The following DNAI4 variants were observed in gnomAD, a reference collection of about 807,000 sequenced individuals.
DNAI4 encodes WD repeat domain 78.
Under a neutral mutation model 105.8 loss-of-function variants are expected in DNAI4, and 85 were observed. The ratio of observed to expected loss-of-function variants is 0.80; its 90% confidence interval spans 0.67 to 0.96. The LOEUF (loss-of-function observed/expected upper bound fraction) is 0.96. Among genes scored for constraint, DNAI4 ranks in the 40% least tolerant of loss-of-function variants. DNAI4 has a pLI of 0.00. For synonymous variants in DNAI4, 352 were observed against 331.5 expected (o/e 1.06, Z -0.67); for missense variants, 1,014 against 1,005.6 (o/e 1.01, Z -0.11).
At chr1:66,904,786 A>G (rs1649112385) in intron 2 of DNAI4, 1 of 163,160 alleles carries the variant, frequency 6.1e-6, no homozygotes, top group Admixed American at 6.4e-5. Flanking sequence ...TTTTCTGTAT[A>G]TATATAATCA....
In DNAI4 at chr1:66,847,620, T is replaced by G; in HGVS notation, c.1155A>C (p.Glu385Asp). The G allele has an allele frequency of 6.2e-7, 1 of 1,613,700 alleles. No individual in the cohort carries two copies. The highest frequency in any genetic ancestry group is 8.5e-7 in the Non-Finnish European group (1 of 1,179,916). ...TTGCATCTGAGTGGTCTTCCTCATC[T>G]TCATGGATTTTTGCCAGAATTACAT... ...IENVILAKIH[E>D]DEEDHSDAIL... The change falls in exon 8 of 17, where the codon GAA becomes GAC. Residue 385 changes from glutamate to aspartate, a missense_variant. Physicochemically the swap from Glu to Asp is conservative, Grantham distance 45 (BLOSUM62 2). Coordinates refer to ENST00000371026, the MANE Select transcript of DNAI4 (RefSeq NM_024763.5).
chr1:66,866,808 G>T (rs1646744173), intron 6 of DNAI4, among the ~76,000 whole-genome samples: 2 of 152,118 alleles, frequency 1.3e-5, no homozygotes, highest in African/African-American at 2.4e-5. Flanking sequence ...CCATTTTCAT[G>T]TGGCTATGAG....
chr1:66,921,560 T>C (rs1339530193), intron 1 of DNAI4, among the ~76,000 whole-genome samples: 1 of 152,258 alleles, frequency 6.6e-6, no homozygotes, highest in African/African-American at 2.4e-5. Flanking sequence ...ATAGATGTTA[T>C]GAAATTGTCA....
intron 10 of DNAI4, among the ~76,000 whole-genome samples, chr1:66,836,292 GAAAGAAAGAAAGAA>G (rs1646017493): frequency 6.7e-6 from 1 of 149,436 alleles, no homozygotes; most frequent in South Asian, 2.1e-4. Flanking sequence ...AAGAAAGAAA[GAAAGAAAGAAAGAA>G]AGAAAGAAAG....
intron 8 of DNAI4, among the ~76,000 whole-genome samples, chr1:66,845,776 C>T (rs113848426): frequency 6.6e-6 from 1 of 151,290 alleles, no homozygotes. Context: ...ACTTTATGAA[C>T]CCACTTATAT....
At chr1:66,901,637 A>G (rs1648830956) in intron 2 of DNAI4, among the ~76,000 whole-genome samples, 2 of 152,070 alleles carry the variant, frequency 1.3e-5, no homozygotes, top group Admixed American at 6.5e-5. Flanking sequence ...AGTTGCTTTC[A>G]CCTTTTAGCT....
At chr1:66,830,520 T>G (rs1394793216) in intron 13 of DNAI4, among the ~76,000 whole-genome samples, 1 of 152,002 alleles carries the variant, frequency 6.6e-6, no homozygotes, top group African/African-American at 2.4e-5. Flanking sequence ...CCGAAGCCTG[T>G]AATCCCAGCA....
chr1:66,856,860 T>G (rs1646512632), intron 7 of DNAI4, among the ~76,000 whole-genome samples: 1 of 151,930 alleles, frequency 6.6e-6, no homozygotes, highest in Non-Finnish European at 1.5e-5. Flanking sequence ...ATTTTAACAT[T>G]GAACACATAT....
rs547279577 is a variant in DNAI4 at position 66,908,615 on chromosome 1, C to T, written c.171-3240G>A. 2.0e-5 allele frequency among the ~76,000 whole-genome samples: 3 copies of T among 152,290 alleles called. No homozygotes were observed. In the South Asian group the frequency reaches 6.2e-4, roughly 32 times the overall value. The stretch of plus-strand genomic sequence containing the variant: ...TTTTTCAATGGCAATGACTTCCTAT[C>T]TATTAGACTAACTATACCCTAAATT... On this transcript the variant is annotated intron_variant, in intron 1 of 16. Transcript: ENST00000371026.
intron 1 of DNAI4, among the ~76,000 whole-genome samples, chr1:66,919,978 A>G (rs1195103303): frequency 6.6e-6 from 1 of 152,206 alleles, no homozygotes; most frequent in Non-Finnish European, 1.5e-5. Flanking sequence ...TCTGGGCAGA[A>G]GAAGGCAGGT....
chr1:66,851,888 C>A (rs367935989), intron 7 of DNAI4, among the ~76,000 whole-genome samples: 1 of 150,980 alleles, frequency 6.6e-6, no homozygotes, highest in East Asian at 1.9e-4. Flanking sequence ...GAAAAAAGAG[C>A]AAAATAAACT....
rs1206047929 is a variant in DNAI4 at position 66,874,917 on chromosome 1, C to T, written c.664G>A (p.Ala222Thr). 1 of 1,605,088 alleles carries T rather than the reference C, an allele frequency of 6.2e-7. No homozygotes were observed. The highest frequency in any genetic ancestry group is 8.5e-7 in the Non-Finnish European group (1 of 1,177,646). ...TCTTTTGTTACAATTTTTTCAGGTGCTGCCCTTATAACTTGCAAATCTAAA... is the reference window on the plus strand; with the variant it reads ...TCTTTTGTTACAATTTTTTCAGGTGTTGCCCTTATAACTTGCAAATCTAAA... The part of the protein sequence containing the change: ...SFTDLQVIRA[A>T]PEKIVTKEDL... The change falls in exon 5 of 17, where the codon GCA (alanine) becomes ACA (threonine). Residue 222 changes from alanine to threonine, a missense_variant. Transcript: ENST00000371026.
chr1:66,820,528 T>C (rs530280528), intron 16 of DNAI4, among the ~76,000 whole-genome samples: 2 of 152,128 alleles, frequency 1.3e-5, no homozygotes, highest in East Asian at 1.9e-4. Flanking sequence ...TAACAAAATA[T>C]ATAAATAAAT....
At chr1:66,837,938 T>C in intron 9 of DNAI4, 142 bp from the exon 10 acceptor site, 1 of 795,728 alleles carries the variant, frequency 1.3e-6, no homozygotes, top group Non-Finnish European at 2.0e-6. Context: ...CAGTACACCA[T>C]CTGTTTTTAC....
In DNAI4 at chr1:66,827,007, C is replaced by T; in HGVS notation, c.2152G>A (p.Asp718Asn). The T allele has an allele frequency of 6.2e-7, 1 of 1,613,988 alleles. No individual in the cohort carries two copies. The change falls in exon 15 of 17, where the codon GAT (aspartate) becomes AAT (asparagine). Residue 718 changes from aspartate (D) to asparagine (N), a missense_variant. By Grantham distance (23) the Asp-to-Asn change is conservative. Coordinates refer to ENST00000371026, the MANE Select transcript of DNAI4 (RefSeq NM_024763.5). ...YKVTWNPFCH[D>N]VFLSCSADWG... The stretch of plus-strand genomic sequence containing the variant: ...TCTGCAGAACAGCTTAAAAATACAT[C>T]ATGACAAAATGGATTCCATGTCACT...
chr1:66,840,123 C>T (rs546611676), intron 9 of DNAI4, among the ~76,000 whole-genome samples: 1 of 152,244 alleles, frequency 6.6e-6, no homozygotes, highest in South Asian at 2.1e-4. Flanking sequence ...TTGGGCTCAT[C>T]AGTTTTGGTA....
At chr1:66,833,522 T>C in intron 13 of DNAI4, 63 bp downstream of exon 13, 1 of 1,583,738 alleles carries the variant, frequency 6.3e-7, no homozygotes, top group Non-Finnish European at 8.6e-7. Context: ...GTTTTATGAC[T>C]TAATACACTT....
At chr1:66,816,852 A>G (rs539814294) in intron 16 of DNAI4, among the ~76,000 whole-genome samples, 7 of 152,070 alleles carry the variant, frequency 4.6e-5, no homozygotes, top group African/African-American at 9.6e-5. Flanking sequence ...AAAAGATTGC[A>G]TAACCAATTC....
chr1:66,882,841 T>G (rs1002573187), intron 4 of DNAI4, among the ~76,000 whole-genome samples: 1 of 152,108 alleles, frequency 6.6e-6, no homozygotes. Flanking sequence ...ATTGCTGGGA[T>G]TTTGATTAAG....
Sources: allele counts gnomAD v4.1 joint callset (sites outside exome capture counted in the v4.1 genomes callset), GRCh38; gene constraint gnomAD v4.1.1; transcripts MANE v1.5; gene names NCBI Gene and HGNC (gene_info 2026-07-23, HGNC 2026-07-21).